The following MYO16 variants were observed in gnomAD, a reference collection of about 807,000 sequenced individuals.
The protein encoded by MYO16 is unconventional myosin-XVI.
In MYO16, 94 loss-of-function variants were observed where a neutral mutation model predicts 205.3. The ratio of observed to expected loss-of-function variants is 0.46; its 90% CI spans 0.39 to 0.54. MYO16 has a LOEUF of 0.54. Ranked by LOEUF, MYO16 falls within the 20% of genes least tolerant of loss-of-function variation. MYO16 has a pLI of 0.00. For missense variants in MYO16, 2,315 were observed against 2,387.5 expected (o/e 0.97, Z 0.63); for synonymous variants, 988 against 954.0 (o/e 1.04, Z -0.66).
At chr13:108,669,490 A>G (rs1294982827) in intron 2 of MYO16, among the ~76,000 whole-genome samples, 2 of 152,148 alleles carry the variant, frequency 1.3e-5, no homozygotes, top group Non-Finnish European at 2.9e-5. Flanking sequence ...AACAGACGTT[A>G]AGAGCTTTTT....
At chr13:108,876,657 T>G (rs1297956083) in intron 12 of MYO16, among the ~76,000 whole-genome samples, 1 of 139,370 alleles carries the variant, frequency 7.2e-6, no homozygotes, top group Non-Finnish European at 1.5e-5. Context: ...ACATAGTAAC[T>G]ATATTCTCTC....
At chr13:108,885,347 T>A (rs550736980) in intron 13 of MYO16, among the ~76,000 whole-genome samples, 149 of 152,244 alleles carry the variant, frequency 9.8e-4, no homozygotes, top group African/African-American at 3.3e-3. Flanking sequence ...CTCGAACTCC[T>A]GAGCTCAGGT....
chr13:108,770,819 C>T (rs972614374), intron 4 of MYO16, among the ~76,000 whole-genome samples: 4 of 152,128 alleles, frequency 2.6e-5, no homozygotes, highest in South Asian at 2.1e-4. Flanking sequence ...ACTACACATT[C>T]GAATGTGGTG....
chr13:108,944,279 A>C (rs1882850607), intron 16 of MYO16, among the ~76,000 whole-genome samples: 2 of 152,232 alleles, frequency 1.3e-5, no homozygotes, highest in Non-Finnish European at 2.9e-5. Flanking sequence ...TTTTGTACCA[A>C]CCTAATAGTA....
At chr13:108,836,958 C>T (rs1210310297) in intron 9 of MYO16, among the ~76,000 whole-genome samples, 4 of 152,130 alleles carry the variant, frequency 2.6e-5, no homozygotes, top group African/African-American at 9.7e-5. Flanking sequence ...TGAGTTAAGA[C>T]TTTGGGGGAC....
At chr13:108,580,398 A>C in the MYO16 span, among the ~76,000 whole-genome samples, 1 of 152,164 alleles carries the variant, frequency 6.6e-6, no homozygotes, top group Non-Finnish European at 1.5e-5. Flanking sequence ...AAACATCTAA[A>C]GTTGTTTATC....
chr13:108,539,922 G>A, the MYO16 span, among the ~76,000 whole-genome samples: 1 of 152,068 alleles, frequency 6.6e-6, no homozygotes, highest in African/African-American at 2.4e-5. Flanking sequence ...CAATTTTCAA[G>A]GAGCTCAGAA....
intron 24 of MYO16, among the ~76,000 whole-genome samples, chr13:109,051,962 C>G (rs1887260221): frequency 6.6e-6 from 1 of 151,962 alleles, no homozygotes; most frequent in Non-Finnish European, 1.5e-5. Context: ...GACCATAAGT[C>G]TTCATGATTT....
At chr13:108,497,883 C>T in the MYO16 span, among the ~76,000 whole-genome samples, 9 of 152,160 alleles carry the variant, frequency 5.9e-5, no homozygotes, top group South Asian at 1.9e-3. Flanking sequence ...GCTGCAGAAC[C>T]CCAGTGTTCT....
intron 27 of MYO16, among the ~76,000 whole-genome samples, chr13:109,082,056 A>C (rs1397719158): frequency 2.0e-5 from 3 of 152,230 alleles, no homozygotes; most frequent in Non-Finnish European, 2.9e-5. Context: ...AGCAGTTGCT[A>C]TCTGGCTCTT....
chr13:108,855,463 C>A lies in MYO16; in HGVS notation c.1269C>A (p.Ala423=). Residue 423 remains alanine, a synonymous_variant, in exon 11 of 35, where the codon GCC becomes GCA. Transcript: ENST00000457511. The part of the protein sequence containing the change: ...KPEQVKLMPP[A]PNDDLATLSE... ...CCCAGGTCAAGCTAATGCCTCCTGC[C>A]CCAAACGATGACCTGGCAACGCTCA... 6.3e-7 allele frequency: 1 copy of A among 1,592,874 alleles called. No individual in the cohort carries two copies. Among genetic ancestry groups the A allele is most frequent in the Non-Finnish European group, 8.6e-7 (1 of 1,163,766 alleles).
chr13:108,806,563 G>T, intron 6 of MYO16, 116 bp from the exon 7 acceptor site: 1 of 769,690 alleles, frequency 1.3e-6, no homozygotes, highest in Non-Finnish European at 2.0e-6. Flanking sequence ...TTGTTTTTAT[G>T]GTCTCTGTAT....
At chr13:109,002,340 G>A (rs1356167391) in intron 21 of MYO16, among the ~76,000 whole-genome samples, 3 of 152,164 alleles carry the variant, frequency 2.0e-5, no homozygotes, top group Non-Finnish European at 4.4e-5. Flanking sequence ...GAAAGTAAAG[G>A]GAGAGCAGTT....
At chr13:109,170,664 A>C (rs1001619471) in intron 33 of MYO16, among the ~76,000 whole-genome samples, 17 of 115,888 alleles carry the variant, frequency 1.5e-4, no homozygotes, top group African/African-American at 7.4e-4. Context: ...TAAAAAACTT[A>C]ATAATAATAA....
intron 1 of MYO16, among the ~76,000 whole-genome samples, chr13:108,651,904 G>A (rs905229106): frequency 3.3e-5 from 5 of 152,128 alleles, no homozygotes; most frequent in African/African-American, 1.2e-4. Context: ...TTGATTACAA[G>A]GATGGTAAAA....
chr13:108,684,176 A>T (rs1377014429), intron 2 of MYO16, among the ~76,000 whole-genome samples: 1 of 152,210 alleles, frequency 6.6e-6, no homozygotes, highest in African/African-American at 2.4e-5. Flanking sequence ...GCCTAGTCAG[A>T]TGTGTTGCCT....
At position 108,986,060 on chromosome 13, in the gene MYO16, G is replaced by C. The variant is rs73616479; in HGVS notation, c.2370-6316G>C. ...ACATCTTACATGGCAGCAGGCAAGA[G>C]AGCGTGTGCAAAAGGAACCACCTTT... is the stretch of plus-strand genomic sequence containing the variant. On this transcript the variant is annotated intron_variant, in intron 20 of 34. Transcript: ENST00000457511. 9.5e-3 allele frequency among the ~76,000 whole-genome samples: 1,440 copies of C among 152,274 alleles called. 12 individuals are homozygous for C. Among genetic ancestry groups the C allele is most frequent in the Middle Eastern group, 0.037 (11 of 294 alleles).
intron 20 of MYO16, among the ~76,000 whole-genome samples, chr13:108,989,700 G>T (rs1298547585): frequency 6.6e-6 from 1 of 152,046 alleles, no homozygotes. Context: ...TGGTTCAAAT[G>T]ATATGAATAT....
intron 23 of MYO16, among the ~76,000 whole-genome samples, chr13:109,023,749 A>G (rs202778): frequency 1 from 128,383 of 128,564 alleles, 64,101 homozygotes; most frequent in Middle Eastern, 1. Context: ...ATATATACGT[A>G]TATGTATACA....
Sources: gnomAD v4.1 joint callset for allele counts (sites outside exome capture counted in the v4.1 genomes callset) on GRCh38, gnomAD v4.1.1 for gene constraint, MANE v1.5 for transcripts, NCBI Gene and HGNC (gene_info 2026-07-23, HGNC 2026-07-21) for gene names.